UNC5B: variants seen among roughly 807,000 people sequenced by gnomAD.
The protein encoded by UNC5B is netrin receptor UNC5B.
Under a neutral mutation model 103.7 loss-of-function variants are expected in UNC5B, and 56 were observed. The observed-to-expected ratio is 0.54, with a 90% CI of 0.44 to 0.67. The LOEUF (loss-of-function observed/expected upper bound fraction) is 0.67. Among genes scored for constraint, UNC5B ranks in the 30% least tolerant of loss-of-function variants. The pLI is 0.00. For missense variants in UNC5B, 1,194 were observed against 1,284.5 expected (o/e 0.93, Z 1.08); for synonymous variants, 577 against 542.0 (o/e 1.06, Z -0.90).
At chr10:71,239,321 C>T (rs1843837760) in intron 1 of UNC5B, among the ~76,000 whole-genome samples, 1 of 152,122 alleles carries the variant, frequency 6.6e-6, no homozygotes, top group African/African-American at 2.4e-5. Context: ...TGACGCCCCA[C>T]CCCCAGGAGA....
intron 1 of UNC5B, among the ~76,000 whole-genome samples, chr10:71,264,442 A>G (rs759814864): frequency 4.6e-5 from 7 of 152,200 alleles, no homozygotes; most frequent in Non-Finnish European, 1.0e-4. Flanking sequence ...ATTTGCAGGA[A>G]CACAGGTGAT....
intron 1 of UNC5B, among the ~76,000 whole-genome samples, chr10:71,264,022 C>G (rs1445695425): frequency 6.6e-6 from 1 of 152,174 alleles, no homozygotes; most frequent in Non-Finnish European, 1.5e-5. Flanking sequence ...GAAGAAATTG[C>G]TGGAAATATA....
intron 1 of UNC5B, among the ~76,000 whole-genome samples, chr10:71,268,460 ATGAAGGGTCCCCAGCTGGAGG>A (rs1332552219): frequency 3.3e-5 from 5 of 152,054 alleles, no homozygotes; most frequent in South Asian, 2.1e-4. Flanking sequence ...CCAGCTGGAG[ATGAAGGGTCCCCAGCTGGAGG>A]TGAAGGGTCC....
At chr10:71,255,180 G>A (rs529616156) in intron 1 of UNC5B, among the ~76,000 whole-genome samples, 3 of 152,262 alleles carry the variant, frequency 2.0e-5, no homozygotes, top group South Asian at 4.1e-4. Flanking sequence ...ATTTACTCAA[G>A]CAGTTCTCCC....
At chr10:71,231,987 A>G (rs1843692883) in intron 1 of UNC5B, among the ~76,000 whole-genome samples, 1 of 152,202 alleles carries the variant, frequency 6.6e-6, no homozygotes, top group African/African-American at 2.4e-5. Flanking sequence ...AAAATTCTGC[A>G]TTCTTGGAAA....
intron 8 of UNC5B, among the ~76,000 whole-genome samples, chr10:71,290,564 T>G (rs936531979): frequency 2.6e-5 from 4 of 152,154 alleles, no homozygotes; most frequent in African/African-American, 9.7e-5. Context: ...ACTCAGAGGT[T>G]TCAGCCCCAG....
intron 1 of UNC5B, among the ~76,000 whole-genome samples, chr10:71,232,145 T>G (rs1843695934): frequency 6.6e-6 from 1 of 152,220 alleles, no homozygotes; most frequent in Admixed American, 6.5e-5. Context: ...AGAAGCCTTG[T>G]GGCCCATCTC....
At chr10:71,237,225 C>T (rs1372798984) in intron 1 of UNC5B, among the ~76,000 whole-genome samples, 1 of 152,186 alleles carries the variant, frequency 6.6e-6, no homozygotes, top group Non-Finnish European at 1.5e-5. Context: ...CACCAAGACT[C>T]GTGTTTATGT....
At chr10:71,253,257 G>A (rs532443596) in intron 1 of UNC5B, among the ~76,000 whole-genome samples, 10 of 152,316 alleles carry the variant, frequency 6.6e-5, no homozygotes, top group African/African-American at 2.4e-4. Context: ...TGCCATTAAA[G>A]GGGGCCACCA....
At chr10:71,231,044 TC>T (rs987009012) in intron 1 of UNC5B, among the ~76,000 whole-genome samples, 5 of 152,226 alleles carry the variant, frequency 3.3e-5, no homozygotes, top group Non-Finnish European at 5.9e-5. Context: ...GCAAATCACT[TC>T]CTCTCTCTGA....
At chr10:71,240,785 G>T (rs114309361) in intron 1 of UNC5B, among the ~76,000 whole-genome samples, 13 of 152,360 alleles carry the variant, frequency 8.5e-5, no homozygotes, top group African/African-American at 3.1e-4. Context: ...TGTCTAGCTT[G>T]AGAATGCCTG....
At chr10:71,227,476 T>A (rs1033775231) in intron 1 of UNC5B, among the ~76,000 whole-genome samples, 1 of 151,832 alleles carries the variant, frequency 6.6e-6, no homozygotes, top group Non-Finnish European at 1.5e-5. Context: ...GTGCATTGCT[T>A]ATGTGATGGG....
At chr10:71,297,722 G>A (rs1346670537) in intron 15 of UNC5B, among the ~76,000 whole-genome samples, 187 bp from the exon 16 acceptor site, 1 of 152,250 alleles carries the variant, frequency 6.6e-6, no homozygotes, top group African/African-American at 2.4e-5. Context: ...CCTGAAGGGT[G>A]GCCATGCAGG....
chr10:71,292,621 C>T, intron 11 of UNC5B, 67 bp downstream of exon 11: 1 of 1,419,300 alleles, frequency 7.0e-7, no homozygotes, highest in Non-Finnish European at 9.7e-7. Context: ...CCACACGTGG[C>T]TCCCCTTCTA....
At chr10:71,277,991 G>T (rs1174079805) in intron 1 of UNC5B, among the ~76,000 whole-genome samples, 1 of 152,208 alleles carries the variant, frequency 6.6e-6, no homozygotes, top group African/African-American at 2.4e-5. Context: ...ATGATAGGTG[G>T]TGTGGAGTCT....
At chr10:71,288,458 C>T in intron 6 of UNC5B, 110 bp from the exon 7 acceptor site, 1 of 1,458,998 alleles carries the variant, frequency 6.9e-7, no homozygotes, top group Non-Finnish European at 9.2e-7. Flanking sequence ...CATTTCCTTC[C>T]ATGGTGTGTA....
chr10:71,273,788 A>G (rs1171697539), intron 1 of UNC5B, among the ~76,000 whole-genome samples: 1 of 152,220 alleles, frequency 6.6e-6, no homozygotes, highest in Non-Finnish European at 1.5e-5. Context: ...AGCAGCCACC[A>G]AAACTGCAAA....
At chr10:71,241,170 C>T (rs1715041215) in intron 1 of UNC5B, among the ~76,000 whole-genome samples, 1 of 152,184 alleles carries the variant, frequency 6.6e-6, no homozygotes, top group South Asian at 2.1e-4. Flanking sequence ...AAGCAACCAG[C>T]TGGGTTTCAT....
chr10:71,231,086 G>A (rs1470881549), intron 1 of UNC5B, among the ~76,000 whole-genome samples: 1 of 152,172 alleles, frequency 6.6e-6, no homozygotes, highest in Admixed American at 6.5e-5. Flanking sequence ...TAAATGAGGG[G>A]GTTGGACTAG....
Sources: allele counts gnomAD v4.1 joint callset (sites outside exome capture counted in the v4.1 genomes callset), GRCh38; gene constraint gnomAD v4.1.1; transcripts MANE v1.5; gene names NCBI Gene and HGNC (gene_info 2026-07-23, HGNC 2026-07-21).